ADAMTS19: variants seen among roughly 807,000 people sequenced by gnomAD.
ADAMTS19 encodes the protein A disintegrin and metalloproteinase with thrombospondin motifs 19.
A neutral mutation model predicts 153.3 loss-of-function variants in ADAMTS19; 93 were observed. That is an observed-to-expected ratio of 0.61 (90% CI 0.51 to 0.72). The LOEUF (loss-of-function observed/expected upper bound fraction) is 0.72, where lower values mean the gene tolerates loss of function less well. Among genes scored for constraint, ADAMTS19 ranks in the 30% least tolerant of loss-of-function variants. The probability of loss-of-function intolerance (pLI) is 0.00; values close to 1 mark genes in which losing one functional copy is unlikely to be tolerated. For missense variants in ADAMTS19, 1,482 were observed against 1,552.1 expected (o/e 0.95, Z 0.76); for synonymous variants, 600 against 556.6 (o/e 1.08, Z -1.10).
At chr5:129,577,197 A>G (rs1337192569) in intron 7 of ADAMTS19, among the ~76,000 whole-genome samples, 3 of 152,148 alleles carry the variant, frequency 2.0e-5, no homozygotes. Flanking sequence ...AGAGAGATGC[A>G]TATTAATGCA....
intron 6 of ADAMTS19, among the ~76,000 whole-genome samples, chr5:129,533,446 T>C (rs1049741474): frequency 8.5e-5 from 13 of 152,174 alleles, no homozygotes; most frequent in African/African-American, 2.7e-4. Flanking sequence ...GATATCCCCT[T>C]TGTCATCTTT....
intron 3 of ADAMTS19, among the ~76,000 whole-genome samples, chr5:129,520,616 ACT>A: frequency 6.6e-6 from 1 of 152,076 alleles, no homozygotes; most frequent in Non-Finnish European, 1.5e-5. Context: ...TCAGAGTCTT[ACT>A]CTGTTAAGAG....
chr5:129,536,890 C>T (rs1752453191), intron 6 of ADAMTS19, among the ~76,000 whole-genome samples: 1 of 149,612 alleles, frequency 6.7e-6, no homozygotes, highest in Non-Finnish European at 1.5e-5. Flanking sequence ...AGGGGAACAT[C>T]ACACTCTGGG....
intron 7 of ADAMTS19, among the ~76,000 whole-genome samples, chr5:129,563,678 G>C (rs1444475952): frequency 6.6e-6 from 1 of 152,152 alleles, no homozygotes; most frequent in African/African-American, 2.4e-5. Flanking sequence ...TGAATATTTA[G>C]AGGTCTTCAC....
At position 129,649,257 on chromosome 5, in the gene ADAMTS19, T is replaced by C. The variant is rs114973309; in HGVS notation, c.2176+287T>C. On this transcript the variant is annotated intron_variant, in intron 13 of 22. Coordinates refer to ENST00000274487, the MANE Select transcript of ADAMTS19 (RefSeq NM_133638.6). The stretch of plus-strand genomic sequence containing the variant: ...ACTGGATCTCTCAGGCATTGCTTGG[T>C]GGGATTGTAAAATCGTGCAGCCACT... Among the ~76,000 whole-genome samples, 653 of 152,288 alleles carry C rather than the reference T, an allele frequency of 4.3e-3. 5 individuals carry two copies. The highest frequency in any genetic ancestry group is 0.01 in the Middle Eastern group (3 of 294).
chr5:129,619,760 T>A (rs1351910256), intron 8 of ADAMTS19, among the ~76,000 whole-genome samples: 1 of 151,920 alleles, frequency 6.6e-6, no homozygotes. Context: ...ATAGTAACTA[T>A]AGGATAGAAG....
chr5:129,610,458 G>A (rs1263442410), intron 8 of ADAMTS19, among the ~76,000 whole-genome samples: 1 of 151,754 alleles, frequency 6.6e-6, no homozygotes, highest in Admixed American at 6.6e-5. Flanking sequence ...CCCCACAATA[G>A]TCCCCAGTGT....
In ADAMTS19 at chr5:129,702,941, A is replaced by AATATATAT. The variant is rs59614056; in HGVS notation, c.3160-1274_3160-1267dup. 2.6e-3 allele frequency among the ~76,000 whole-genome samples: 77 copies of AATATATAT among 29,238 alleles called. 1 individual carries two copies. The highest frequency in any genetic ancestry group is 0.012 in the Admixed American group (26 of 2,140). 19.2% of individuals were successfully genotyped at this position (29,238 alleles called of 152,430 possible). On this transcript the variant is annotated intron_variant, in intron 20 of 22. Coordinates refer to ENST00000274487, the MANE Select transcript of ADAMTS19 (RefSeq NM_133638.6). ...TAGTTTGACTTGCCAAAAAAAAAAAAATATATATATATATATATATATATA... is the reference window on the plus strand; with the variant it reads ...TAGTTTGACTTGCCAAAAAAAAAAAAATATATATATATATATATATATATATATATATA...
intron 8 of ADAMTS19, among the ~76,000 whole-genome samples, chr5:129,600,857 AGTTATTATT>A (rs1316810263): frequency 2.7e-5 from 2 of 73,130 alleles, no homozygotes; most frequent in Non-Finnish European, 6.1e-5. Flanking sequence ...AAGTAGTAGG[AGTTATTATT>A]ATTATTATTA....
In ADAMTS19 at chr5:129,541,297, TTTAG is replaced by T. The variant is rs1353446512; in HGVS notation, c.1329-10563_1329-10560del. Among the ~76,000 whole-genome samples, 21 of 151,968 alleles carry T rather than the reference TTTAG, an allele frequency of 1.4e-4. No individual in the cohort carries two copies. In the East Asian group the frequency reaches 4.1e-3, roughly 29 times the overall value. On this transcript the variant is annotated intron_variant, in intron 6 of 22. Coordinates refer to ENST00000274487, the MANE Select transcript of ADAMTS19 (RefSeq NM_133638.6). Reference sequence around the variant, plus strand: ...CATTTGTCATAGTTTTATCGTGTTGTTTAGTTACAGATGAAGTCCCATGTTTCAC... The same window carrying T: ...CATTTGTCATAGTTTTATCGTGTTGTTTACAGATGAAGTCCCATGTTTCAC...
chr5:129,663,304 A>G (rs1181075564), intron 15 of ADAMTS19, among the ~76,000 whole-genome samples: 1 of 152,084 alleles, frequency 6.6e-6, no homozygotes, highest in Non-Finnish European at 1.5e-5. Context: ...ACTTATTTCC[A>G]TGCCTTAACT....
At chr5:129,679,114 TA>T (rs1295117042) in intron 16 of ADAMTS19, among the ~76,000 whole-genome samples, 1 of 152,216 alleles carries the variant, frequency 6.6e-6, no homozygotes, top group Non-Finnish European at 1.5e-5. Context: ...AAAAATTATG[TA>T]AACAGAATTA....
At chr5:129,462,561 C>T (rs10045471) in intron 2 of ADAMTS19, among the ~76,000 whole-genome samples, 41,210 of 151,022 alleles carry the variant, frequency 0.27, 8,550 homozygotes, top group African/African-American at 0.58. Flanking sequence ...CCCTCTGTCA[C>T]GATTCAGGGG....
intron 7 of ADAMTS19, among the ~76,000 whole-genome samples, chr5:129,583,168 A>C (rs951000077): frequency 6.6e-6 from 1 of 152,122 alleles, no homozygotes; most frequent in Non-Finnish European, 1.5e-5. Context: ...TTCACTTATG[A>C]AGCTTAGTTT....
At chr5:129,511,143 T>G (rs2126728609) in intron 3 of ADAMTS19, among the ~76,000 whole-genome samples, 1 of 152,036 alleles carries the variant, frequency 6.6e-6, no homozygotes, top group South Asian at 2.1e-4. Flanking sequence ...ATGGTCCAAA[T>G]TTTGATAATG....
At chr5:129,627,273 T>C (rs914565816) in intron 10 of ADAMTS19, among the ~76,000 whole-genome samples, 3 of 152,048 alleles carry the variant, frequency 2.0e-5, no homozygotes, top group Non-Finnish European at 4.4e-5. Context: ...CCGAAGTATA[T>C]TGAGGTAGGA....
intron 15 of ADAMTS19, 57 bp downstream of exon 15, chr5:129,658,794 A>T: frequency 1.3e-6 from 2 of 1,493,656 alleles, no homozygotes; most frequent in Non-Finnish European, 1.8e-6. Context: ...GGGAACACAG[A>T]TTATATTGAA....
intron 3 of ADAMTS19, among the ~76,000 whole-genome samples, chr5:129,514,161 T>C (rs1751523167): frequency 6.6e-6 from 1 of 152,024 alleles, no homozygotes; most frequent in Non-Finnish European, 1.5e-5. Context: ...TTTGTATAAG[T>C]ACCACATTTT....
intron 2 of ADAMTS19, among the ~76,000 whole-genome samples, chr5:129,499,417 A>G (rs1751029133): frequency 6.6e-6 from 1 of 152,118 alleles, no homozygotes; most frequent in Admixed American, 6.6e-5. Flanking sequence ...TCTTCACCAC[A>G]GAGGCCAAAG....
Sources: gnomAD v4.1 joint callset for allele counts (sites outside exome capture counted in the v4.1 genomes callset) on GRCh38, gnomAD v4.1.1 for gene constraint, MANE v1.5 for transcripts, NCBI Gene and HGNC (gene_info 2026-07-23, HGNC 2026-07-21) for gene names.